NCKAP5: variants seen among roughly 807,000 people sequenced by gnomAD.
NCKAP5 encodes nck-associated protein 5.
In NCKAP5, 92 loss-of-function variants were observed where a neutral mutation model predicts 167.0. That is an observed-to-expected ratio of 0.55 (90% CI 0.47 to 0.66). The LOEUF is 0.66. NCKAP5 is among the 30% of genes least tolerant of loss of function. The probability of loss-of-function intolerance (pLI) is 0.00; values close to 1 mark genes in which losing one functional copy is unlikely to be tolerated. For synonymous variants in NCKAP5, 891 were observed against 877.4 expected (o/e 1.02, Z -0.27); for missense variants, 2,378 against 2,315.0 (o/e 1.03, Z -0.56).
intron 4 of NCKAP5, among the ~76,000 whole-genome samples, chr2:133,289,035 T>G (rs912406170): frequency 6.6e-6 from 1 of 152,172 alleles, no homozygotes; most frequent in Non-Finnish European, 1.5e-5. Context: ...ACAGAGTAAG[T>G]AGCAGAGTCA....
intron 6 of NCKAP5, among the ~76,000 whole-genome samples, chr2:133,085,927 C>T (rs1159794535): frequency 1.3e-5 from 2 of 152,144 alleles, no homozygotes; most frequent in African/African-American, 2.4e-5. Flanking sequence ...AAGGGTCCCC[C>T]AACATGCACT....
intron 18 of NCKAP5, 25 bp downstream of exon 18, chr2:132,728,791 C>A (rs1368968897): frequency 1.2e-6 from 2 of 1,612,372 alleles, no homozygotes; most frequent in Non-Finnish European, 1.7e-6. Context: ...GTGGATTGCA[C>A]CCTTCACCTC....
intron 6 of NCKAP5, among the ~76,000 whole-genome samples, chr2:133,006,549 G>A (rs1386974132): frequency 6.6e-6 from 1 of 151,572 alleles, no homozygotes; most frequent in Non-Finnish European, 1.5e-5. Context: ...GACTAAACTT[G>A]ATTCTCACTG....
chr2:133,108,018 A>G (rs1186856556), intron 6 of NCKAP5, among the ~76,000 whole-genome samples: 3 of 152,114 alleles, frequency 2.0e-5, no homozygotes, highest in South Asian at 4.1e-4. Flanking sequence ...CCCTCATGCT[A>G]TTTTTCAAGT....
chr2:132,881,643 A>C lies in NCKAP5; in HGVS notation c.580-2727T>G, dbSNP rs960073901. On this transcript the variant is annotated intron_variant, in intron 8 of 19. Coordinates refer to ENST00000409261, the MANE Select transcript of NCKAP5 (RefSeq NM_207363.3). ...GGGCTTCTCTGGAGCTCCCTCATAC[A>C]TATTTGGTGGAAACAGTGCACAGGC... Among the ~76,000 whole-genome samples, 4 of 142,722 alleles carry C rather than the reference A, an allele frequency of 2.8e-5. No individual in the cohort carries two copies. In the East Asian group the frequency reaches 8.1e-4, roughly 29 times the overall value. 93.6% of individuals were successfully genotyped at this position (142,722 alleles called of 152,430 possible). A position where few individuals can be genotyped will look rare whatever the true frequency, so the allele number is the denominator to read the frequency against.
At chr2:133,177,162 T>TTATATATATATATATATATA (rs1297288847) in intron 5 of NCKAP5, among the ~76,000 whole-genome samples, 1 of 26,314 alleles carries the variant, frequency 3.8e-5, no homozygotes, top group African/African-American at 1.8e-4. Context: ...AGGTTTTGTT[T>TTATATATATATATATATATA]TCTATATATA....
At chr2:133,664,285 T>C in the NCKAP5 span, among the ~76,000 whole-genome samples, 1 of 152,186 alleles carries the variant, frequency 6.6e-6, no homozygotes, top group Non-Finnish European at 1.5e-5. Context: ...AGGGTAGATT[T>C]AGCATAATTC....
At chr2:133,248,297 G>A (rs867886302) in intron 4 of NCKAP5, among the ~76,000 whole-genome samples, 8 of 152,198 alleles carry the variant, frequency 5.3e-5, no homozygotes, top group Admixed American at 3.3e-4. Flanking sequence ...GAAGTTGGGC[G>A]TCTTCCACTT....
chr2:133,248,406 T>G (rs985308859), intron 4 of NCKAP5, among the ~76,000 whole-genome samples: 1 of 152,234 alleles, frequency 6.6e-6, no homozygotes, highest in Non-Finnish European at 1.5e-5. Flanking sequence ...TATTTTTAGA[T>G]GGAGATCCTG....
chr2:133,508,502 C>A (rs1023237957), intron 3 of NCKAP5, among the ~76,000 whole-genome samples: 1 of 152,172 alleles, frequency 6.6e-6, no homozygotes, highest in Non-Finnish European at 1.5e-5. Context: ...TCTTAGCACT[C>A]ATTTCACTGT....
intron 7 of NCKAP5, among the ~76,000 whole-genome samples, chr2:132,974,766 T>G (rs1410885728): frequency 6.6e-6 from 1 of 152,206 alleles, no homozygotes; most frequent in Non-Finnish European, 1.5e-5. Context: ...ACGGAGTTGG[T>G]GTTTGTATCA....
intron 2 of NCKAP5, among the ~76,000 whole-genome samples, chr2:133,548,819 ACT>A (rs1686998385): frequency 2.6e-5 from 4 of 152,216 alleles, no homozygotes; most frequent in African/African-American, 9.7e-5. Context: ...AACTACATCA[ACT>A]AACGAGCAAA....
chr2:132,940,206 C>A (rs980596006), intron 8 of NCKAP5, among the ~76,000 whole-genome samples: 3 of 152,082 alleles, frequency 2.0e-5, no homozygotes, highest in African/African-American at 7.2e-5. Context: ...CAAGTTGCAG[C>A]AAAAGACATT....
intron 6 of NCKAP5, among the ~76,000 whole-genome samples, chr2:133,065,870 G>A (rs1226365680): frequency 2.6e-5 from 4 of 152,090 alleles, no homozygotes; most frequent in Admixed American, 6.5e-5. Flanking sequence ...ATGATATAAC[G>A]AATATTTGGT....
chr2:133,235,622 G>A (rs559003419), intron 4 of NCKAP5, among the ~76,000 whole-genome samples: 1 of 152,114 alleles, frequency 6.6e-6, no homozygotes, highest in East Asian at 1.9e-4. Flanking sequence ...ACAAAATACA[G>A]GCTGGGCACA....
At chr2:133,348,280 A>G (rs1439895520) in intron 3 of NCKAP5, among the ~76,000 whole-genome samples, 1 of 152,212 alleles carries the variant, frequency 6.6e-6, no homozygotes, top group Non-Finnish European at 1.5e-5. Context: ...GTAAAAACTC[A>G]TTCAAGTTTC....
At chr2:133,412,360 G>T (rs1411691048) in intron 3 of NCKAP5, among the ~76,000 whole-genome samples, 1 of 152,204 alleles carries the variant, frequency 6.6e-6, no homozygotes, top group Non-Finnish European at 1.5e-5. Flanking sequence ...AAATAAGTTT[G>T]CATTTTTATA....
intron 3 of NCKAP5, among the ~76,000 whole-genome samples, chr2:133,430,772 T>G (rs1690107535): frequency 6.6e-6 from 1 of 151,718 alleles, no homozygotes; most frequent in Non-Finnish European, 1.5e-5. Flanking sequence ...TGTGCATGGT[T>G]GTTGATACAT....
chr2:133,257,820 G>C (rs1345578823), intron 4 of NCKAP5, among the ~76,000 whole-genome samples: 2 of 152,146 alleles, frequency 1.3e-5, no homozygotes, highest in African/African-American at 4.8e-5. Context: ...AAAAGAGCTG[G>C]CAGCAACATC....
Sources: allele counts gnomAD v4.1 joint callset (sites outside exome capture counted in the v4.1 genomes callset), GRCh38; gene constraint gnomAD v4.1.1; transcripts MANE v1.5; gene names NCBI Gene and HGNC (gene_info 2026-07-23, HGNC 2026-07-21).